The following SORCS2 variants were observed in gnomAD, a reference collection of about 807,000 sequenced individuals.
The protein encoded by SORCS2 is sortilin related VPS10 domain containing receptor 2.
A neutral mutation model predicts 141.6 loss-of-function variants in SORCS2; 100 were observed. The observed-to-expected ratio is 0.71, with a 90% confidence interval of 0.60 to 0.83. The LOEUF (loss-of-function observed/expected upper bound fraction) is 0.83, where lower values mean the gene tolerates loss of function less well. Among genes scored for constraint, SORCS2 ranks in the 40% least tolerant of loss-of-function variants. The pLI is 0.00. For missense variants in SORCS2, 1,646 were observed against 1,560.2 expected (o/e 1.05, Z -0.93); for synonymous variants, 789 against 676.9 (o/e 1.17, Z -2.57).
chr4:7,443,372 C>T (rs1727798662), intron 2 of SORCS2, among the ~76,000 whole-genome samples: 1 of 152,162 alleles, frequency 6.6e-6, no homozygotes, highest in African/African-American at 2.4e-5. Context: ...TGTGGAGCAC[C>T]TAGGACTCAC....
rs190811887 is a variant in SORCS2 at position 7,317,731 on chromosome 4, T to C, written c.481-78557T>C. On this transcript the variant is annotated intron_variant, in intron 1 of 26. Transcript: ENST00000507866. ...TTAAACCAGCTGTGAGGCAGTGACA[T>C]GTGAATTTCACCCATATCACTTCCA... Among the ~76,000 whole-genome samples the C allele has an allele frequency of 3.4e-3, 518 of 152,284 alleles. 2 individuals carry two copies. Among genetic ancestry groups the C allele is most frequent in the African/African-American group, 0.012 (501 of 41,548 alleles).
At chr4:7,240,918 A>T (rs1332373761) in intron 1 of SORCS2, among the ~76,000 whole-genome samples, 2 of 152,200 alleles carry the variant, frequency 1.3e-5, no homozygotes, top group African/African-American at 4.8e-5. Context: ...TTAGATAAGC[A>T]ACAAATAATT....
rs1712065692 is a variant in SORCS2, at chr4:7,233,688, G to T, written c.480+40562G>T. 6.6e-6 allele frequency among the ~76,000 whole-genome samples: 1 copy of T among 152,142 alleles called. No individual in the cohort carries two copies. Among genetic ancestry groups the T allele is most frequent in the African/African-American group, 2.4e-5 (1 of 41,440 alleles). ...CCTGGTCCCCCGTCTGATGCTGCAG[G>T]GTGGACTTCTGAGTGTCAGAGCCAG... On this transcript the variant is annotated intron_variant, in intron 1 of 26. Coordinates refer to ENST00000507866, the MANE Select transcript of SORCS2 (RefSeq NM_020777.3). This position sits in a 1 kb window ranked among gnomAD's most constrained non-coding sequence, Gnocchi z 4.5.
chr4:7,723,969 G>C, intron 19 of SORCS2, 86 bp downstream of exon 19: 2 of 1,427,570 alleles, frequency 1.4e-6, no homozygotes, highest in Non-Finnish European at 1.9e-6. Context: ...GAAGCCCCCG[G>C]GATTGCTCTA....
chr4:7,341,097 G>A (rs79998003), intron 1 of SORCS2, among the ~76,000 whole-genome samples: 22,789 of 152,256 alleles, frequency 0.15, 1,958 homozygotes, highest in Non-Finnish European at 0.2. Context: ...ATGGTGGGGA[G>A]GATGGTCTTG....
chr4:7,467,524 T>C (rs1345342047), intron 2 of SORCS2, among the ~76,000 whole-genome samples: 1 of 152,224 alleles, frequency 6.6e-6, no homozygotes, highest in Non-Finnish European at 1.5e-5. Flanking sequence ...AGAGGGCAGC[T>C]GGGCTGGAGC....
chr4:7,274,587 C>T (rs183391745), intron 1 of SORCS2, among the ~76,000 whole-genome samples: 1 of 152,258 alleles, frequency 6.6e-6, no homozygotes, highest in Admixed American at 6.5e-5. Context: ...CGTATGAGAG[C>T]TCACTATCAC....
chr4:7,268,112 C>T (rs1210250979), intron 1 of SORCS2, among the ~76,000 whole-genome samples: 1 of 152,206 alleles, frequency 6.6e-6, no homozygotes, highest in Non-Finnish European at 1.5e-5. Flanking sequence ...CCTGGAGCTC[C>T]CTTCTCCCCT....
intron 18 of SORCS2, among the ~76,000 whole-genome samples, chr4:7,719,716 C>G (rs115618323): frequency 0.02 from 3,057 of 152,248 alleles, 101 homozygotes; most frequent in African/African-American, 0.069. Flanking sequence ...GCTGCCCGTC[C>G]GGGGCCGACT....
chr4:7,734,530 C>A (rs1465596319), intron 25 of SORCS2, among the ~76,000 whole-genome samples, 156 bp downstream of exon 25: 1 of 152,012 alleles, frequency 6.6e-6, no homozygotes. Flanking sequence ...GGGGGAGGTG[C>A]TTGCCTGGCT....
chr4:7,728,353 A>C lies in SORCS2; in HGVS notation c.2873A>C (p.Gln958Pro). 2.5e-6 allele frequency: 4 copies of C among 1,612,516 alleles called. No homozygotes were observed. The highest frequency in any genetic ancestry group is 3.4e-6 in the Non-Finnish European group (4 of 1,178,956). The change falls in exon 22 of 27, where the codon CAA becomes CCA. Residue 958 changes from glutamine to proline, a missense_variant. Coordinates refer to ENST00000507866, the MANE Select transcript of SORCS2 (RefSeq NM_020777.3). ...TCCCTTCTCTGCGTCTTTCCAGATC[A>C]ATTTCAAGTCATGCCTCTGCAGTTT... ...QDSRVLRVLD[Q>P]FQVMPLQFSK...
In SORCS2 at chr4:7,275,214, G is replaced by C. The variant is rs187605244; in HGVS notation, c.480+82088G>C. Among the ~76,000 whole-genome samples, 11 of 152,242 alleles carry C rather than the reference G, an allele frequency of 7.2e-5. No homozygotes were observed. In the East Asian group the frequency reaches 2.1e-3, roughly 29 times the overall value. On this transcript the variant is annotated intron_variant, in intron 1 of 26. Transcript: ENST00000507866. ...TTAGAAAGATGATATAGCTGCATCT[G>C]GCAGGCACCCACTCAGAAAACAAAT...
intron 3 of SORCS2, among the ~76,000 whole-genome samples, chr4:7,585,263 T>C (rs1168181020): frequency 6.6e-6 from 1 of 152,124 alleles, no homozygotes; most frequent in Non-Finnish European, 1.5e-5. Flanking sequence ...GAAGAATGAG[T>C]TGGGCTAAAA....
At chr4:7,738,996 C>T (rs1712431830) in intron 26 of SORCS2, among the ~76,000 whole-genome samples, 1 of 152,210 alleles carries the variant, frequency 6.6e-6, no homozygotes, top group Non-Finnish European at 1.5e-5. Context: ...GGAAACATCA[C>T]AGGACCCAGG....
chr4:7,309,345 C>A (rs574947025), intron 1 of SORCS2, among the ~76,000 whole-genome samples: 1 of 152,292 alleles, frequency 6.6e-6, no homozygotes, highest in South Asian at 2.1e-4. Context: ...ACCCAGAGCT[C>A]TTTTTATGTA....
intron 2 of SORCS2, among the ~76,000 whole-genome samples, chr4:7,425,467 A>C (rs1160115321): frequency 6.6e-6 from 1 of 152,106 alleles, no homozygotes; most frequent in Non-Finnish European, 1.5e-5. Context: ...GAGTGGCGAG[A>C]CGTTCCCCTT....
intron 2 of SORCS2, among the ~76,000 whole-genome samples, chr4:7,419,556 C>T (rs188593853): frequency 2.4e-4 from 37 of 152,332 alleles, no homozygotes; most frequent in African/African-American, 8.9e-4. Context: ...CAAAGCGTTG[C>T]AATAAAGAGC....
intron 1 of SORCS2, 111 bp from the exon 2 acceptor site, chr4:7,396,177 G>A (rs985454607): frequency 1.1e-5 from 10 of 921,306 alleles, no homozygotes; most frequent in Admixed American, 9.2e-5. Flanking sequence ...GCCCCTGGGC[G>A]GCTGTTATTT....
intron 2 of SORCS2, among the ~76,000 whole-genome samples, chr4:7,466,463 G>A (rs1441248304): frequency 6.6e-6 from 1 of 152,178 alleles, no homozygotes; most frequent in East Asian, 1.9e-4. Flanking sequence ...GGGGGCAGGG[G>A]GTGCATGGAG....
Sources: allele counts gnomAD v4.1 joint callset (sites outside exome capture counted in the v4.1 genomes callset), GRCh38; gene constraint gnomAD v4.1.1; non-coding constraint Gnocchi (gnomAD v3.1); transcripts MANE v1.5; gene names NCBI Gene and HGNC (gene_info 2026-07-23, HGNC 2026-07-21).